The following RAB3C variants were observed in gnomAD, a reference collection of about 807,000 sequenced individuals.
RAB3C encodes ras-related protein Rab-3C.
A neutral mutation model predicts 26.4 loss-of-function variants in RAB3C; 17 were observed. The ratio of observed to expected loss-of-function variants is 0.64; its 90% confidence interval spans 0.44 to 0.97. The LOEUF (loss-of-function observed/expected upper bound fraction) is 0.97. Ranked by LOEUF, RAB3C falls within the 50% of genes least tolerant of loss-of-function variation. The pLI is 0.00. For missense variants in RAB3C, 242 were observed against 281.9 expected, an observed-to-expected ratio of 0.86 and a Z score of 1.01; for synonymous variants, 91 against 95.9, an observed-to-expected ratio of 0.95 and a Z score of 0.30.
chr5:58,702,039 T>G (rs1748853410), intron 2 of RAB3C, among the ~76,000 whole-genome samples: 1 of 152,222 alleles, frequency 6.6e-6, no homozygotes, highest in Non-Finnish European at 1.5e-5. Flanking sequence ...GCCATTTTCC[T>G]GCATGGAGCA....
At chr5:58,772,478 C>A (rs1464793903) in intron 3 of RAB3C, among the ~76,000 whole-genome samples, 1 of 152,116 alleles carries the variant, frequency 6.6e-6, no homozygotes, top group Non-Finnish European at 1.5e-5. Context: ...GACTAATGCA[C>A]CACAGTGATG....
intron 2 of RAB3C, among the ~76,000 whole-genome samples, chr5:58,676,282 C>T (rs1263468158): frequency 6.6e-6 from 1 of 152,034 alleles, no homozygotes; most frequent in Non-Finnish European, 1.5e-5. Context: ...GGGAGTGGAT[C>T]ACTTGAGGTC....
chr5:58,776,486 T>C (rs1742145178), intron 3 of RAB3C, among the ~76,000 whole-genome samples: 1 of 152,164 alleles, frequency 6.6e-6, no homozygotes, highest in Non-Finnish European at 1.5e-5. Context: ...AGCCTGTTTG[T>C]TAAGCTTCAA....
intron 2 of RAB3C, among the ~76,000 whole-genome samples, chr5:58,685,487 C>T (rs1748426935): frequency 6.6e-6 from 1 of 152,134 alleles, no homozygotes; most frequent in Non-Finnish European, 1.5e-5. Flanking sequence ...AATAACTCTC[C>T]ATCTCAAGAT....
intron 1 of RAB3C, among the ~76,000 whole-genome samples, chr5:58,597,543 T>G (rs913769414): frequency 8.6e-6 from 1 of 116,032 alleles, no homozygotes; most frequent in African/African-American, 3.2e-5. Context: ...TATAAGCATA[T>G]AACAATATAT....
chr5:58,726,709 G>C (rs1740898421), intron 3 of RAB3C, among the ~76,000 whole-genome samples: 1 of 151,934 alleles, frequency 6.6e-6, no homozygotes, highest in Non-Finnish European at 1.5e-5. Flanking sequence ...AAATTTTGAA[G>C]GACTGAGATA....
At chr5:58,643,604 AG>A (rs1174206535) in intron 2 of RAB3C, among the ~76,000 whole-genome samples, 1 of 152,080 alleles carries the variant, frequency 6.6e-6, no homozygotes, top group Non-Finnish European at 1.5e-5. Context: ...TGAACCTGGG[AG>A]GTGAAGGTTC....
intron 2 of RAB3C, chr5:58,644,263 C>T (rs1192803451): frequency 6.6e-6 from 1 of 152,166 alleles, no homozygotes; most frequent in Non-Finnish European, 1.5e-5. Context: ...ATGGATTCTA[C>T]GAATTGGATT....
chr5:58,818,200 A>G lies in RAB3C; in HGVS notation c.372-6838A>G, dbSNP rs992150309. Among the ~76,000 whole-genome samples the G allele has an allele frequency of 2.6e-5, 4 of 152,236 alleles. No individual in the cohort carries two copies. The East Asian group carries it at 5.8e-4, about 22-fold the overall frequency. ...CTCCATGAGAAGAGGCTGAACTCATAGGCGATTACTTACACACCCAGAACA... is the reference window on the plus strand; with the variant it reads ...CTCCATGAGAAGAGGCTGAACTCATGGGCGATTACTTACACACCCAGAACA... On this transcript the variant is annotated intron_variant, in intron 3 of 4. Coordinates refer to ENST00000282878, the MANE Select transcript of RAB3C (RefSeq NM_138453.4).
At chr5:58,769,285 G>A (rs1022966040) in intron 3 of RAB3C, among the ~76,000 whole-genome samples, 2 of 152,024 alleles carry the variant, frequency 1.3e-5, no homozygotes, top group Non-Finnish European at 2.9e-5. Context: ...ATTTGAGTTG[G>A]CAGTTAGATA....
At chr5:58,761,985 C>T (rs1193633567) in intron 3 of RAB3C, among the ~76,000 whole-genome samples, 2 of 150,338 alleles carry the variant, frequency 1.3e-5, no homozygotes, top group Admixed American at 6.6e-5. Flanking sequence ...GCTAGTATGG[C>T]ATTGACTAAT....
intron 4 of RAB3C, among the ~76,000 whole-genome samples, chr5:58,833,051 T>C (rs1266307450): frequency 6.6e-6 from 1 of 152,124 alleles, no homozygotes; most frequent in African/African-American, 2.4e-5. Context: ...GTATGTTTTA[T>C]AAGGTACTAC....
chr5:58,849,745 T>C (rs1008386990), intron 4 of RAB3C, among the ~76,000 whole-genome samples: 2 of 152,224 alleles, frequency 1.3e-5, no homozygotes, highest in Non-Finnish European at 2.9e-5. Flanking sequence ...ATGTAGTCAT[T>C]GAACCAAATA....
intron 4 of RAB3C, among the ~76,000 whole-genome samples, chr5:58,833,924 G>A (rs1233408163): frequency 5.9e-5 from 9 of 152,134 alleles, no homozygotes; most frequent in African/African-American, 1.9e-4. Flanking sequence ...AGACAACATT[G>A]CATATTGCAT....
At chr5:58,731,926 CATG>C (rs756698221) in intron 3 of RAB3C, among the ~76,000 whole-genome samples, 94 of 152,232 alleles carry the variant, frequency 6.2e-4, no homozygotes, top group Non-Finnish European at 1.2e-3. Flanking sequence ...GTGCCCATGT[CATG>C]ATAACACAGG....
At chr5:58,703,541 A>G (rs1748889910) in intron 2 of RAB3C, among the ~76,000 whole-genome samples, 1 of 152,150 alleles carries the variant, frequency 6.6e-6, no homozygotes, top group Non-Finnish European at 1.5e-5. Context: ...TGGAATTATT[A>G]TTGTGCCTTA....
At chr5:58,610,382 C>T (rs1342667723) in intron 1 of RAB3C, among the ~76,000 whole-genome samples, 4 of 152,050 alleles carry the variant, frequency 2.6e-5, no homozygotes, top group Non-Finnish European at 5.9e-5. Context: ...ATTCCAGTTG[C>T]TCCACATCCT....
intron 3 of RAB3C, among the ~76,000 whole-genome samples, chr5:58,728,299 A>G (rs2111924205): frequency 6.6e-6 from 1 of 152,142 alleles, no homozygotes; most frequent in East Asian, 1.9e-4. Context: ...TCACCCAGTT[A>G]TCTGATGTAG....
intron 2 of RAB3C, among the ~76,000 whole-genome samples, chr5:58,641,196 G>T (rs1011385868): frequency 6.6e-6 from 1 of 152,184 alleles, no homozygotes; most frequent in Admixed American, 6.5e-5. Flanking sequence ...GGTGTGCTAT[G>T]TGCTGGTGCA....
Sources: allele counts gnomAD v4.1 joint callset (sites outside exome capture counted in the v4.1 genomes callset), GRCh38; gene constraint gnomAD v4.1.1; transcripts MANE v1.5; gene names NCBI Gene and HGNC (gene_info 2026-07-23, HGNC 2026-07-21).